AKNAD1: variants seen among roughly 807,000 people sequenced by gnomAD.
AKNAD1 encodes the protein protein AKNAD1.
Under a neutral mutation model 90.8 loss-of-function variants are expected in AKNAD1, and 67 were observed. That is an observed-to-expected ratio of 0.74 (90% CI 0.61 to 0.90). AKNAD1 has a LOEUF of 0.90. Among genes scored for constraint, AKNAD1 ranks in the 40% least tolerant of loss-of-function variants. The pLI, the probability that AKNAD1 is intolerant of heterozygous loss-of-function variation, is 0.00. For missense variants in AKNAD1, 957 were observed against 975.4 expected, an observed-to-expected ratio of 0.98 and a Z score of 0.25; for synonymous variants, 327 against 341.4, an observed-to-expected ratio of 0.96 and a Z score of 0.46.
chr1:108,824,516 T>G (rs1449618377), intron 11 of AKNAD1, among the ~76,000 whole-genome samples: 1 of 151,706 alleles, frequency 6.6e-6, no homozygotes, highest in Non-Finnish European at 1.5e-5. Context: ...CATTTCATAT[T>G]AGCAAATGGA....
chr1:108,818,089 G>A (rs1253803496), intron 14 of AKNAD1, among the ~76,000 whole-genome samples: 1 of 152,134 alleles, frequency 6.6e-6, no homozygotes, highest in African/African-American at 2.4e-5. Context: ...GCTCTAGGGG[G>A]TTATTTGCAT....
At chr1:108,840,334 C>T (rs894284578) in intron 6 of AKNAD1, among the ~76,000 whole-genome samples, 2 of 151,990 alleles carry the variant, frequency 1.3e-5, no homozygotes, top group African/African-American at 2.4e-5. Context: ...AAACATCTGT[C>T]GACAATACTC....
rs1664777769 is a variant in AKNAD1 at position 108,848,944 on chromosome 1, A to C, written c.1150T>G (p.Leu384Val). 9 of 1,607,978 alleles carry C rather than the reference A, an allele frequency of 5.6e-6. No homozygotes were observed. The highest frequency in any genetic ancestry group is 7.6e-6 in the Non-Finnish European group (9 of 1,178,416). ...TTCAGTTGATCAGTCTGTTCTTTCAACTTCTGACACATCTGTTTCCCTTGG... is the reference window on the plus strand; with the variant it reads ...TTCAGTTGATCAGTCTGTTCTTTCACCTTCTGACACATCTGTTTCCCTTGG... ...ISQGKQMCQK[L>V]KEQTDQLKTK... The change falls in exon 4 of 16, where the codon TTG becomes GTG. Residue 384 changes from leucine (L) to valine (V), a missense_variant. Leu to Val is a conservative substitution (Grantham distance 32). Coordinates refer to ENST00000370001, the MANE Select transcript of AKNAD1 (RefSeq NM_152763.5).
chr1:108,855,812 A>G (rs1665014335), intron 1 of AKNAD1, among the ~76,000 whole-genome samples: 1 of 151,824 alleles, frequency 6.6e-6, no homozygotes, highest in Admixed American at 6.6e-5. Flanking sequence ...AAATAAATAA[A>G]TAAATCACTA....
chr1:108,828,227 T>G (rs1233956707), intron 10 of AKNAD1, among the ~76,000 whole-genome samples: 1 of 151,718 alleles, frequency 6.6e-6, no homozygotes. Context: ...AAAGTGGGCT[T>G]TGCCGGGTGT....
rs1255692037 is a variant in AKNAD1, at chr1:108,816,051, T to C, written c.*120A>G. On this transcript the variant is annotated 3_prime_UTR_variant, in exon 16 of 16. Coordinates refer to ENST00000370001, the MANE Select transcript of AKNAD1 (RefSeq NM_152763.5). ...TTTGTGTTACCCATTTCTTATGGTT[T>C]CTGTGTTTTCTCTAGAAAGTCATCT... 1.8e-6 allele frequency: 2 copies of C among 1,087,088 alleles called. No individual in the cohort carries two copies. The highest frequency in any genetic ancestry group is 2.5e-6 in the Non-Finnish European group (2 of 802,854). 67.3% of individuals were successfully genotyped at this position (1,087,088 alleles called of 1,614,324 possible). A position where few individuals can be genotyped will look rare whatever the true frequency, so the allele number is the denominator to read the frequency against.
At chr1:108,826,960 T>C (rs1664017399) in intron 11 of AKNAD1, among the ~76,000 whole-genome samples, 1 of 151,368 alleles carries the variant, frequency 6.6e-6, no homozygotes, top group Non-Finnish European at 1.5e-5. Flanking sequence ...CAGGCTGGTC[T>C]TGAACTCCTG....
In AKNAD1 at chr1:108,843,121, G is replaced by A; in HGVS notation, c.1379+13C>T. On this transcript the variant is annotated intron_variant, in intron 6 of 15. Transcript: ENST00000370001. ...TTGACCCTTCCACCTTACACAGTTGGTTTAAATCTGACCTTTCTGGATCAA... is the reference window on the plus strand; with the variant it reads ...TTGACCCTTCCACCTTACACAGTTGATTTAAATCTGACCTTTCTGGATCAA... 6.2e-7 allele frequency: 1 copy of A among 1,613,688 alleles called. No individual in the cohort carries two copies. Among genetic ancestry groups the A allele is most frequent in the Non-Finnish European group, 8.5e-7 (1 of 1,179,872 alleles).
chr1:108,816,923 T>C, intron 15 of AKNAD1, 125 bp downstream of exon 15: 1 of 1,153,668 alleles, frequency 8.7e-7, no homozygotes, highest in Non-Finnish European at 1.2e-6. Flanking sequence ...GAGCACAAAA[T>C]TGTCTTTAGC....
Position 108,816,192 on chromosome 1 carries a change from C to T in AKNAD1, c.2490G>A (p.Trp830Ter). The stretch of plus-strand genomic sequence containing the variant: ...TGAACTAGTATTTCAGTCGATTCCT[C>T]CACCTCTGTGCTTTAGCAAGGTCTT... ...IAEDLAKAQR[W>*]RNRLKY Residue 830 changes from tryptophan to a stop codon, truncating the protein, a stop_gained, in exon 16 of 16, where the codon TGG becomes TGA. Coordinates refer to ENST00000370001, the MANE Select transcript of AKNAD1 (RefSeq NM_152763.5). LOFTEE classifies it high-confidence loss of function. The T allele has an allele frequency of 1.2e-6, 2 of 1,610,436 alleles. No homozygotes were observed. Among genetic ancestry groups the T allele is most frequent in the South Asian group, 2.2e-5 (2 of 89,912 alleles).
intron 3 of AKNAD1, 46 bp downstream of exon 3, chr1:108,849,491 A>G (rs370699285): frequency 4.7e-6 from 6 of 1,280,384 alleles, no homozygotes; most frequent in Non-Finnish European, 6.8e-6. Flanking sequence ...AAAGACAAAA[A>G]CAAAACATAT....
At chr1:108,833,151 A>AG (rs35550870) in intron 9 of AKNAD1, among the ~76,000 whole-genome samples, 23,391 of 152,184 alleles carry the variant, frequency 0.15, 2,111 homozygotes, top group African/African-American at 0.25. Flanking sequence ...ATGAAGCGAT[A>AG]GTTTATTCTA....
In AKNAD1 at chr1:108,823,551, C is replaced by T. The variant is rs778054998; in HGVS notation, c.2059+15G>A. The T allele has an allele frequency of 1.2e-6, 2 of 1,613,384 alleles. No individual in the cohort carries two copies. Among genetic ancestry groups the T allele is most frequent in the Admixed American group, 3.3e-5 (2 of 60,014 alleles). On this transcript the variant is annotated intron_variant, in intron 12 of 15. Coordinates refer to ENST00000370001, the MANE Select transcript of AKNAD1 (RefSeq NM_152763.5). ...TGTCCCCACTCGCCTTTCTGAGGCCCCAGGTGAGTGTTACCTTTAGTTGGT... is the reference window on the plus strand; with the variant it reads ...TGTCCCCACTCGCCTTTCTGAGGCCTCAGGTGAGTGTTACCTTTAGTTGGT...
chr1:108,829,566 G>T (rs956619567), intron 10 of AKNAD1, among the ~76,000 whole-genome samples: 1 of 152,158 alleles, frequency 6.6e-6, no homozygotes, highest in Non-Finnish European at 1.5e-5. Flanking sequence ...TGACTGACAT[G>T]GTGGTTTAAT....
In AKNAD1 at chr1:108,817,197, T is replaced by C; in HGVS notation, c.2250-20A>G. ...TTTTTTCTGGAAGACAAAAGCACAT[T>C]GATACTTGTGTCAAGCGCCACCCTC... is the stretch of plus-strand genomic sequence containing the variant. On this transcript the variant is annotated intron_variant, in intron 14 of 15. Coordinates refer to ENST00000370001, the MANE Select transcript of AKNAD1 (RefSeq NM_152763.5). The C allele has an allele frequency of 6.2e-7, 1 of 1,613,530 alleles. No individual in the cohort carries two copies.
At position 108,837,598 on chromosome 1, in the gene AKNAD1, T is replaced by G. The variant is rs1236602586; in HGVS notation, c.1488A>C (p.Pro496=). The change falls in exon 7 of 16, where the codon CCA becomes CCC. Residue 496 remains proline, a synonymous_variant. Transcript: ENST00000370001. ...TSAPSLPVSS[P]VTLDDLASTF... ...TGGAGGCCAAGTCATCCAGGGTAAC[T>G]GGAGAACTCACAGGAAGGGAAGGAG... 1.9e-6 allele frequency: 3 copies of G among 1,614,098 alleles called. No homozygotes were observed. In the African/African-American group the frequency reaches 4.0e-5, roughly 22 times the overall value.
rs1211248494 is a variant in AKNAD1 at position 108,816,071 on chromosome 1, T to C, written c.*100A>G. 3.2e-6 allele frequency: 4 copies of C among 1,257,566 alleles called. No homozygotes were observed. In the East Asian group the frequency reaches 8.0e-5, roughly 25 times the overall value. 77.9% of individuals were successfully genotyped at this position (1,257,566 alleles called of 1,614,324 possible). ...TGGTTTCTGTGTTTTCTCTAGAAAG[T>C]CATCTTCCTAAATTGTGTAGTAAGT... On this transcript the variant is annotated 3_prime_UTR_variant, in exon 16 of 16. Coordinates refer to ENST00000370001, the MANE Select transcript of AKNAD1 (RefSeq NM_152763.5).
intron 2 of AKNAD1, among the ~76,000 whole-genome samples, chr1:108,850,557 G>A (rs897954910): frequency 9.9e-5 from 15 of 152,140 alleles, no homozygotes; most frequent in African/African-American, 3.6e-4. Flanking sequence ...AGGTTTGGAT[G>A]TAGGGGGTTC....
At chr1:108,837,515 C>T (rs1213073105) in intron 7 of AKNAD1, 35 bp downstream of exon 7, 1 of 1,561,770 alleles carries the variant, frequency 6.4e-7, no homozygotes, top group Non-Finnish European at 8.7e-7. Context: ...ACCATTTTTC[C>T]TGGCACAAAA....
Sources: gnomAD v4.1 joint callset for allele counts (sites outside exome capture counted in the v4.1 genomes callset) on GRCh38, gnomAD v4.1.1 for gene constraint, MANE v1.5 for transcripts, NCBI Gene and HGNC (gene_info 2026-07-23, HGNC 2026-07-21) for gene names.